Variants in AK5 observed in about 807,000 individuals in gnomAD.
The protein encoded by AK5 is adenylate kinase 5.
AK5 carries 27 observed loss-of-function variants against 69.5 expected under a neutral mutation model. That is an observed-to-expected ratio of 0.39 (90% CI 0.29 to 0.54). The LOEUF is 0.54. AK5 is among the 20% of genes least tolerant of loss of function. AK5 has a pLI of 0.71. For missense variants in AK5, 531 were observed against 700.4 expected, an observed-to-expected ratio of 0.76 and a Z score of 2.73; for synonymous variants, 260 against 244.4, an observed-to-expected ratio of 1.06 and a Z score of -0.60.
intron 6 of AK5, among the ~76,000 whole-genome samples, chr1:77,355,868 T>TACACAC (rs66682700): frequency 6.8e-4 from 100 of 146,250 alleles, no homozygotes; most frequent in African/African-American, 2.2e-3. Flanking sequence ...CCTCATTAAA[T>TACACAC]ACACACACAC....
intron 10 of AK5, among the ~76,000 whole-genome samples, chr1:77,517,182 G>A (rs1229729119): frequency 6.6e-6 from 1 of 151,936 alleles, no homozygotes; most frequent in Non-Finnish European, 1.5e-5. Context: ...ATTTTACTCT[G>A]GGAGCATAGG....
At chr1:77,446,288 T>C (rs12741939) in intron 8 of AK5, among the ~76,000 whole-genome samples, 34,343 of 152,140 alleles carry the variant, frequency 0.23, 4,459 homozygotes, top group South Asian at 0.39. Flanking sequence ...CTGGTCTATA[T>C]TTCTGTTTTT....
chr1:77,426,098 A>C (rs918639283), intron 8 of AK5, among the ~76,000 whole-genome samples: 2 of 152,234 alleles, frequency 1.3e-5, no homozygotes, highest in African/African-American at 2.4e-5. Context: ...AATAGGAAAC[A>C]GTAACAAATA....
chr1:77,300,665 G>C (rs573004745), intron 5 of AK5, among the ~76,000 whole-genome samples: 22 of 152,196 alleles, frequency 1.4e-4, no homozygotes, highest in African/African-American at 4.8e-4. Flanking sequence ...GTTCAACTTG[G>C]ACACTATCCA....
chr1:77,326,789 AAC>A (rs903918312), intron 5 of AK5, among the ~76,000 whole-genome samples: 89 of 152,326 alleles, frequency 5.8e-4, no homozygotes, highest in African/African-American at 2.1e-3. Context: ...AAGGAGAAAT[AAC>A]ACTGTTATTT....
At chr1:77,422,435 C>A (rs950733213) in intron 8 of AK5, among the ~76,000 whole-genome samples, 2 of 152,138 alleles carry the variant, frequency 1.3e-5, no homozygotes, top group African/African-American at 2.4e-5. Flanking sequence ...CTGAATATGA[C>A]CCCTACATTT....
intron 3 of AK5, among the ~76,000 whole-genome samples, chr1:77,296,354 A>G (rs139724990): frequency 2.0e-5 from 3 of 152,300 alleles, no homozygotes; most frequent in Admixed American, 6.5e-5. Context: ...AATTAAGCCC[A>G]TTCTGGCTTT....
intron 5 of AK5, among the ~76,000 whole-genome samples, chr1:77,321,191 G>A (rs1465805235): frequency 6.6e-6 from 1 of 152,168 alleles, no homozygotes; most frequent in Non-Finnish European, 1.5e-5. Context: ...ACAAGTCTCG[G>A]CCGGGCGTGG....
chr1:77,508,911 A>G (rs568658844), intron 10 of AK5, among the ~76,000 whole-genome samples: 1 of 152,124 alleles, frequency 6.6e-6, no homozygotes, highest in South Asian at 2.1e-4. Flanking sequence ...ATCCTTCCAC[A>G]GGCATGGGGA....
chr1:77,376,509 G>A (rs1647264633), intron 6 of AK5, among the ~76,000 whole-genome samples: 1 of 147,012 alleles, frequency 6.8e-6, no homozygotes, highest in Non-Finnish European at 1.5e-5. Context: ...AGTAGTGCAT[G>A]TAACTATTTC....
chr1:77,464,459 G>A (rs1286530802), intron 8 of AK5, among the ~76,000 whole-genome samples: 2 of 152,230 alleles, frequency 1.3e-5, no homozygotes, highest in Non-Finnish European at 2.9e-5. Context: ...ACACATTGGA[G>A]AGGAGATTGG....
chr1:77,401,772 T>C (rs1649230566), intron 6 of AK5, among the ~76,000 whole-genome samples: 1 of 152,234 alleles, frequency 6.6e-6, no homozygotes, highest in Non-Finnish European at 1.5e-5. Context: ...TGGTGCATAA[T>C]TCTCCTCCCT....
At chr1:77,470,879 T>A (rs1416652523) in intron 8 of AK5, among the ~76,000 whole-genome samples, 3 of 70,340 alleles carry the variant, frequency 4.3e-5, no homozygotes, top group African/African-American at 1.8e-4. Flanking sequence ...ATATATATTT[T>A]TTTTTTTTTT....
At chr1:77,503,012 T>G (rs1354754093) in intron 10 of AK5, among the ~76,000 whole-genome samples, 1 of 152,188 alleles carries the variant, frequency 6.6e-6, no homozygotes, top group Non-Finnish European at 1.5e-5. Flanking sequence ...GTGTTTCTAT[T>G]GGGCATCTGT....
intron 6 of AK5, among the ~76,000 whole-genome samples, chr1:77,388,942 G>C (rs1402686792): frequency 6.6e-6 from 1 of 152,164 alleles, no homozygotes; most frequent in African/African-American, 2.4e-5. Context: ...GAAAGTAGAA[G>C]AGAAGAACCA....
chr1:77,522,014 A>C, intron 12 of AK5, 71 bp downstream of exon 12: 2 of 1,202,838 alleles, frequency 1.7e-6, no homozygotes, highest in Non-Finnish European at 2.3e-6. Flanking sequence ...TGATAATTCA[A>C]AGTCTATTTC....
At chr1:77,301,419 C>T (rs565200791) in intron 5 of AK5, among the ~76,000 whole-genome samples, 83 of 152,266 alleles carry the variant, frequency 5.5e-4, no homozygotes, top group Non-Finnish European at 1.0e-3. Context: ...AGAGGAAGGC[C>T]GGGAAGTAGA....
intron 6 of AK5, among the ~76,000 whole-genome samples, chr1:77,357,294 G>A (rs1662585491): frequency 6.6e-6 from 1 of 151,092 alleles, no homozygotes; most frequent in Admixed American, 6.6e-5. Context: ...TTTGAATTCT[G>A]GCAAGTCTCT....
intron 6 of AK5, among the ~76,000 whole-genome samples, chr1:77,393,365 G>C (rs923058259): frequency 3.9e-5 from 6 of 152,146 alleles, no homozygotes; most frequent in African/African-American, 1.4e-4. Flanking sequence ...GTGTCTGCTT[G>C]ATTCAAAAGC....
Sources: allele counts gnomAD v4.1 joint callset (sites outside exome capture counted in the v4.1 genomes callset), GRCh38; gene constraint gnomAD v4.1.1; transcripts MANE v1.5; gene names NCBI Gene and HGNC (gene_info 2026-07-23, HGNC 2026-07-21).